The following PDZRN4 variants were observed in gnomAD, a reference collection of about 807,000 sequenced individuals.
PDZRN4 encodes PDZ domain containing ring finger 4.
A neutral mutation model predicts 99.0 loss-of-function variants in PDZRN4; 70 were observed. The observed-to-expected ratio is 0.71, with a 90% CI of 0.58 to 0.86. PDZRN4 has a LOEUF of 0.86. Among genes scored for constraint, PDZRN4 ranks in the 40% least tolerant of loss-of-function variants. The pLI, the probability that PDZRN4 is intolerant of heterozygous loss-of-function variation, is 0.00. For synonymous variants in PDZRN4, 551 were observed against 501.6 expected (o/e 1.10, Z -1.32); for missense variants, 1,474 against 1,331.2 (o/e 1.11, Z -1.67).
intron 3 of PDZRN4, among the ~76,000 whole-genome samples, chr12:41,402,857 T>G (rs1952314157): frequency 6.6e-6 from 1 of 151,822 alleles, no homozygotes; most frequent in African/African-American, 2.4e-5. Context: ...ATGTCTTATT[T>G]GTCCACACAG....
At chr12:41,412,810 C>A (rs1565576382) in intron 3 of PDZRN4, among the ~76,000 whole-genome samples, 1 of 152,050 alleles carries the variant, frequency 6.6e-6, no homozygotes, top group Non-Finnish European at 1.5e-5. Context: ...CATAACTAGG[C>A]CAGGCATGGT....
At position 41,313,214 on chromosome 12, in the gene PDZRN4, T is replaced by C. The variant is rs369412414; in HGVS notation, c.843+119026T>C. On this transcript the variant is annotated intron_variant, in intron 3 of 9. Transcript: ENST00000402685. Reference sequence around the variant, plus strand: ...TAACCCTTGTAAATCTCTTTCCTCCTCATTCCCACTGTACTACCACATTAG... The same window carrying C: ...TAACCCTTGTAAATCTCTTTCCTCCCCATTCCCACTGTACTACCACATTAG... 8.7e-4 allele frequency among the ~76,000 whole-genome samples: 132 copies of C among 152,308 alleles called. 2 individuals are homozygous for C. The South Asian group carries it at 0.02, about 24-fold the overall frequency.
At chr12:41,191,834 G>A (rs1418380519) in intron 2 of PDZRN4, among the ~76,000 whole-genome samples, 6 of 151,842 alleles carry the variant, frequency 4.0e-5, no homozygotes, top group South Asian at 2.1e-4. Flanking sequence ...CCAGGCTAGA[G>A]TGCAGTGGCA....
At chr12:41,331,333 G>A (rs889409634) in intron 3 of PDZRN4, among the ~76,000 whole-genome samples, 9 of 151,880 alleles carry the variant, frequency 5.9e-5, no homozygotes, top group South Asian at 2.1e-4. Context: ...ACAGATGAGC[G>A]TGCTTATATA....
rs142158203 is a variant in PDZRN4, at chr12:41,529,309, A to G, written c.1203+19396A>G. Among the ~76,000 whole-genome samples, 19 of 152,206 alleles carry G rather than the reference A, an allele frequency of 1.2e-4. No individual in the cohort carries two copies. In the East Asian group the frequency reaches 3.7e-3, roughly 29 times the overall value. ...ATTACACTCATTTCTCATTCCCTTT[A>G]TAAGCTGAAGGAAACGTGTTTGCAC... On this transcript the variant is annotated intron_variant, in intron 5 of 9. Transcript: ENST00000402685.
chr12:41,351,033 T>G (rs1214851959), intron 3 of PDZRN4, among the ~76,000 whole-genome samples: 5 of 152,178 alleles, frequency 3.3e-5, no homozygotes, highest in Non-Finnish European at 5.9e-5. Context: ...GTGGAATACA[T>G]GCATTTCTTC....
chr12:41,548,823 A>G (rs1939003959), intron 5 of PDZRN4, among the ~76,000 whole-genome samples: 1 of 152,190 alleles, frequency 6.6e-6, no homozygotes. Flanking sequence ...CCGCTGGAGT[A>G]CAACCAATGT....
intron 3 of PDZRN4, among the ~76,000 whole-genome samples, chr12:41,445,227 G>A (rs1043709150): frequency 6.6e-6 from 1 of 151,810 alleles, no homozygotes; most frequent in Non-Finnish European, 1.5e-5. Flanking sequence ...TTGACTCTTC[G>A]ACTCACCTGA....
intron 3 of PDZRN4, among the ~76,000 whole-genome samples, chr12:41,391,244 A>C (rs1210865338): frequency 6.6e-6 from 1 of 152,146 alleles, no homozygotes; most frequent in Non-Finnish European, 1.5e-5. Flanking sequence ...ACAGGTGTAA[A>C]TTTTTTAATG....
intron 3 of PDZRN4, among the ~76,000 whole-genome samples, chr12:41,389,624 T>A (rs547718885): frequency 9.9e-5 from 15 of 152,276 alleles, no homozygotes; most frequent in Non-Finnish European, 1.8e-4. Flanking sequence ...GCAATGTAGA[T>A]GTAATATTAG....
intron 3 of PDZRN4, among the ~76,000 whole-genome samples, chr12:41,313,005 T>A (rs1287881680): frequency 6.6e-6 from 1 of 152,154 alleles, no homozygotes; most frequent in Non-Finnish European, 1.5e-5. Flanking sequence ...ATAAGCAACA[T>A]AAACTCAGGA....
chr12:41,530,747 T>A (rs896622780), intron 5 of PDZRN4, among the ~76,000 whole-genome samples: 1 of 152,210 alleles, frequency 6.6e-6, no homozygotes, highest in Non-Finnish European at 1.5e-5. Context: ...TCACAAACAC[T>A]GGGTGGGCAT....
At chr12:41,406,827 C>A (rs1251357927) in intron 3 of PDZRN4, among the ~76,000 whole-genome samples, 1 of 139,034 alleles carries the variant, frequency 7.2e-6, no homozygotes, top group Non-Finnish European at 1.5e-5. Flanking sequence ...CATTGCCCTC[C>A]AGCCTGGGCA....
At chr12:41,386,990 A>G (rs558872825) in intron 3 of PDZRN4, among the ~76,000 whole-genome samples, 3 of 152,268 alleles carry the variant, frequency 2.0e-5, no homozygotes, top group South Asian at 4.2e-4. Context: ...CAGATTAAAC[A>G]CTTAAATTTA....
At chr12:41,392,206 A>G (rs921174932) in intron 3 of PDZRN4, among the ~76,000 whole-genome samples, 8 of 152,084 alleles carry the variant, frequency 5.3e-5, no homozygotes, top group African/African-American at 1.7e-4. Context: ...AGATTCCCCA[A>G]TGGCTTCCAC....
chr12:41,562,502 T>C (rs962101732), intron 7 of PDZRN4, among the ~76,000 whole-genome samples: 1 of 152,172 alleles, frequency 6.6e-6, no homozygotes, highest in African/African-American at 2.4e-5. Context: ...ATTAATACTA[T>C]TTTAGACAGA....
chr12:41,362,521 A>T (rs1951971100), intron 3 of PDZRN4, among the ~76,000 whole-genome samples: 1 of 152,072 alleles, frequency 6.6e-6, no homozygotes, highest in African/African-American at 2.4e-5. Flanking sequence ...TCTTTAGGGA[A>T]GTAAAGTCTT....
In PDZRN4 at chr12:41,299,605, C is replaced by T. The variant is rs555530859; in HGVS notation, c.843+105417C>T. 1.5e-4 allele frequency among the ~76,000 whole-genome samples: 23 copies of T among 152,016 alleles called. No individual in the cohort carries two copies. In the South Asian group the frequency reaches 4.8e-3, roughly 32 times the overall value. Reference sequence around the variant, plus strand: ...AAATTGCTATTCCCTTTTATCTGCTCGTTCTTCTAGAGTAAAACTTTCAGA... The same window carrying T: ...AAATTGCTATTCCCTTTTATCTGCTTGTTCTTCTAGAGTAAAACTTTCAGA... On this transcript the variant is annotated intron_variant, in intron 3 of 9. Coordinates refer to ENST00000402685, the MANE Select transcript of PDZRN4 (RefSeq NM_001164595.2).
intron 3 of PDZRN4, among the ~76,000 whole-genome samples, chr12:41,373,495 T>C (rs1952058492): frequency 6.6e-6 from 1 of 152,130 alleles, no homozygotes; most frequent in African/African-American, 2.4e-5. Context: ...AATTCAGCAA[T>C]ATTTTTCCCA....
Sources: allele counts gnomAD v4.1 joint callset (sites outside exome capture counted in the v4.1 genomes callset), GRCh38; gene constraint gnomAD v4.1.1; transcripts MANE v1.5; gene names NCBI Gene and HGNC (gene_info 2026-07-23, HGNC 2026-07-21).